The following TET3 variants were observed in gnomAD, a reference collection of about 807,000 sequenced individuals.
TET3 encodes the protein tet methylcytosine dioxygenase 3.
A neutral mutation model predicts 141.4 loss-of-function variants in TET3; 19 were observed. The ratio of observed to expected loss-of-function variants is 0.13; its 90% CI spans 0.09 to 0.20. The LOEUF (loss-of-function observed/expected upper bound fraction) is 0.20, where lower values mean the gene tolerates loss of function less well. Ranked by LOEUF, TET3 falls within the 10% of genes least tolerant of loss-of-function variation. TET3 has a pLI of 1.00. For missense variants in TET3, 1,874 were observed against 2,356.9 expected (o/e 0.80, Z 4.24); for synonymous variants, 1,043 against 980.9 (o/e 1.06, Z -1.18).
intron 2 of TET3, among the ~76,000 whole-genome samples, chr2:73,991,700 TA>T (rs946407718): frequency 6.8e-6 from 1 of 147,982 alleles, no homozygotes; most frequent in African/African-American, 2.5e-5. Context: ...CAGGTGTACC[TA>T]GGCTGAGGCA....
chr2:74,065,283 C>G (rs1558762559), intron 4 of TET3, among the ~76,000 whole-genome samples: 2 of 152,118 alleles, frequency 1.3e-5, no homozygotes, highest in African/African-American at 2.4e-5. Flanking sequence ...CCTCTTTTCT[C>G]TTTTTTGAGC....
At chr2:74,076,457 T>C (rs941127413) in intron 5 of TET3, among the ~76,000 whole-genome samples, 1 of 143,144 alleles carries the variant, frequency 7.0e-6, no homozygotes, top group East Asian at 2.0e-4. Flanking sequence ...TTTTTTTTTT[T>C]TTTTTTTTTT....
chr2:73,986,986 T>C (rs1336198205), intron 2 of TET3, among the ~76,000 whole-genome samples: 2 of 152,206 alleles, frequency 1.3e-5, no homozygotes, highest in East Asian at 3.8e-4. Flanking sequence ...TCTAGAAGTT[T>C]CTTGTCCTGC....
chr2:74,091,386 A>G lies in TET3; in HGVS notation c.3039+1339A>G, dbSNP rs145188520. Among the ~76,000 whole-genome samples the G allele has an allele frequency of 3.4e-3, 514 of 152,366 alleles. 2 individuals are homozygous for G. The highest frequency in any genetic ancestry group is 0.012 in the African/African-American group (479 of 41,584). The stretch of plus-strand genomic sequence containing the variant: ...TTGCCAAGCCCCTCATAGGTTTCTC[A>G]GATGATTTCACGACCCCTCCATCCC... On this transcript the variant is annotated intron_variant, in intron 8 of 11. Transcript: ENST00000409262.
intron 3 of TET3, among the ~76,000 whole-genome samples, chr2:74,017,774 A>G (rs1028470972): frequency 6.6e-6 from 1 of 152,158 alleles, no homozygotes; most frequent in African/African-American, 2.4e-5. Flanking sequence ...TTGCTGGATC[A>G]TACGGTAGTT....
intron 2 of TET3, among the ~76,000 whole-genome samples, chr2:73,990,864 C>T (rs952888712): frequency 2.6e-5 from 4 of 152,174 alleles, no homozygotes; most frequent in Admixed American, 2.0e-4. Context: ...TCAGGCTGGT[C>T]TCAGCATCAA....
chr2:74,100,952 C>T lies in TET3; in HGVS notation c.4164C>T (p.Ser1388=). ...VSRDPSPFAQ[S]SNCYNRSIKQ... ...GGGACCCCTCCCCCTTTGCCCAGAG[C>T]TCCAACTGCTACAACAGATCCATCA... The change falls in exon 12 of 12, where the codon AGC becomes AGT. Residue 1388 remains serine (S), a synonymous_variant. Coordinates refer to ENST00000409262, the MANE Select transcript of TET3 (RefSeq NM_001287491.2). 6.2e-7 allele frequency: 1 copy of T among 1,611,282 alleles called. No individual in the cohort carries two copies. Among genetic ancestry groups the T allele is most frequent in the Non-Finnish European group, 8.5e-7 (1 of 1,178,840 alleles).
chr2:74,038,636 A>G (rs759081431), intron 3 of TET3, among the ~76,000 whole-genome samples: 5 of 152,160 alleles, frequency 3.3e-5, no homozygotes, highest in African/African-American at 9.7e-5. Flanking sequence ...TAGAGCTTCC[A>G]TGGGTCATCT....
At chr2:73,987,565 C>G (rs564492628) in intron 2 of TET3, among the ~76,000 whole-genome samples, 31 of 152,306 alleles carry the variant, frequency 2.0e-4, no homozygotes, top group African/African-American at 7.2e-4. Context: ...AGAAGTAGGG[C>G]TGAGCGAAGT....
intron 4 of TET3, among the ~76,000 whole-genome samples, chr2:74,059,172 T>C (rs1452558269): frequency 1.3e-5 from 2 of 152,296 alleles, no homozygotes; most frequent in Non-Finnish European, 2.9e-5. Context: ...ATATGTATCA[T>C]ATGCTCTTTC....
chr2:74,085,329 T>C (rs1267969760), intron 6 of TET3, among the ~76,000 whole-genome samples: 2 of 152,200 alleles, frequency 1.3e-5, no homozygotes, highest in Non-Finnish European at 2.9e-5. Context: ...GGGCAGATGC[T>C]TTTCACTTTG....
intron 3 of TET3, among the ~76,000 whole-genome samples, chr2:74,006,520 G>A (rs1685157343): frequency 1.3e-5 from 2 of 152,222 alleles, no homozygotes; most frequent in Admixed American, 6.5e-5. Flanking sequence ...AGGGACCACC[G>A]TGGGGACGAC....
chr2:74,132,014 G>A, the TET3 span, among the ~76,000 whole-genome samples: 6 of 152,160 alleles, frequency 3.9e-5, no homozygotes, highest in Non-Finnish European at 8.8e-5. Context: ...GGGTGAAGCA[G>A]AAGGAAGAGT....
At chr2:74,080,026 G>T (rs1009659492) in intron 5 of TET3, among the ~76,000 whole-genome samples, 2 of 152,208 alleles carry the variant, frequency 1.3e-5, no homozygotes, top group Admixed American at 6.5e-5. Context: ...CCCAACCTCA[G>T]CTGTTTGTCA....
intron 3 of TET3, among the ~76,000 whole-genome samples, chr2:74,027,886 G>T (rs1435033333): frequency 2.0e-5 from 3 of 152,148 alleles, no homozygotes; most frequent in Non-Finnish European, 4.4e-5. Flanking sequence ...TGGTTAAGGG[G>T]TTGTAAGAGT....
At chr2:74,109,073 T>A (rs1011153907), downstream of TET3, among the ~76,000 whole-genome samples, 11 of 152,214 alleles carry the variant, frequency 7.2e-5, no homozygotes, top group Admixed American at 3.3e-4. Context: ...TCACACTGTG[T>A]TTTGTAACCT....
At chr2:74,135,122 C>G in the TET3 span, 1,902 of 216,260 alleles carry the variant, frequency 8.8e-3, 80 homozygotes, top group Admixed American at 0.068. Flanking sequence ...TTTCAGAGTC[C>G]ATTTCAGAGC....
At chr2:74,108,713 A>C (rs1691633761), downstream of TET3, among the ~76,000 whole-genome samples, 1 of 152,234 alleles carries the variant, frequency 6.6e-6, no homozygotes, top group Admixed American at 6.5e-5. Context: ...TGAAAAGGGA[A>C]TATGAATTGA....
intron 2 of TET3, 104 bp from the exon 3 acceptor site, chr2:74,003,006 G>C (rs1290928451): frequency 8.0e-7 from 1 of 1,257,418 alleles, no homozygotes; most frequent in African/African-American, 1.5e-5. Flanking sequence ...ATCCCCTCCC[G>C]TTCGCCTTCT....
Sources: gnomAD v4.1 joint callset for allele counts (sites outside exome capture counted in the v4.1 genomes callset) on GRCh38, gnomAD v4.1.1 for gene constraint, MANE v1.5 for transcripts, NCBI Gene and HGNC (gene_info 2026-07-23, HGNC 2026-07-21) for gene names.